SDK1: variants seen among roughly 807,000 people sequenced by gnomAD.
The protein encoded by SDK1 is sidekick cell adhesion molecule 1.
A neutral mutation model predicts 245.5 loss-of-function variants in SDK1; 157 were observed. The ratio of observed to expected loss-of-function variants is 0.64; its 90% confidence interval spans 0.56 to 0.73. SDK1 has a LOEUF of 0.73. Among genes scored for constraint, SDK1 ranks in the 30% least tolerant of loss-of-function variants. The pLI is 0.00. For missense variants in SDK1, 3,583 were observed against 3,002.3 expected, an observed-to-expected ratio of 1.19 and a Z score of -4.52; for synonymous variants, 1,647 against 1,278.5, an observed-to-expected ratio of 1.29 and a Z score of -6.15.
At chr7:4,140,114 G>A (rs554824523) in intron 28 of SDK1, among the ~76,000 whole-genome samples, 4 of 152,226 alleles carry the variant, frequency 2.6e-5, no homozygotes, top group African/African-American at 7.2e-5. Flanking sequence ...TCCCTTCCTC[G>A]TGCTCTGGCT....
intron 32 of SDK1, among the ~76,000 whole-genome samples, chr7:4,169,928 A>T (rs1781734122): frequency 1.3e-5 from 2 of 152,124 alleles, no homozygotes; most frequent in Admixed American, 1.3e-4. Flanking sequence ...TGACCATGGA[A>T]AGCAAACGGC....
At position 3,658,388 on chromosome 7, in the gene SDK1, C is replaced by T. The variant is rs145320567; in HGVS notation, c.713+16283C>T. Reference sequence around the variant, plus strand: ...TCAGTGAGCACTGTGCTAGGCTCTGCGGATAAAAAGATCAATACAATGAGT... The same window carrying T: ...TCAGTGAGCACTGTGCTAGGCTCTGTGGATAAAAAGATCAATACAATGAGT... On this transcript the variant is annotated intron_variant, in intron 4 of 44. Transcript: ENST00000404826. Among the ~76,000 whole-genome samples, 471 of 151,904 alleles carry T rather than the reference C, an allele frequency of 3.1e-3. 2 individuals carry two copies. The highest frequency in any genetic ancestry group is 5.2e-3 in the Non-Finnish European group (353 of 67,984).
At chr7:4,221,199 G>A in intron 39 of SDK1, 40 bp from the exon 40 acceptor site, 1 of 1,608,836 alleles carries the variant, frequency 6.2e-7, no homozygotes, top group African/African-American at 1.3e-5. Flanking sequence ...GAGCCCCGCA[G>A]GGCTGATGCC....
chr7:3,700,593 A>G (rs1446134140), intron 4 of SDK1, among the ~76,000 whole-genome samples: 1 of 152,222 alleles, frequency 6.6e-6, no homozygotes, highest in Non-Finnish European at 1.5e-5. Context: ...TAGAATTTCA[A>G]TAAAATGTTC....
At chr7:3,772,525 C>T (rs1310801642) in intron 4 of SDK1, among the ~76,000 whole-genome samples, 1 of 152,098 alleles carries the variant, frequency 6.6e-6, no homozygotes, top group Non-Finnish European at 1.5e-5. Context: ...ACCAAAGTTA[C>T]AATGATACTA....
chr7:3,419,986 CA>C (rs543012074), intron 1 of SDK1, among the ~76,000 whole-genome samples: 2 of 152,266 alleles, frequency 1.3e-5, no homozygotes, highest in South Asian at 4.1e-4. Context: ...GAAATGCACC[CA>C]ACCTCTGTGA....
chr7:3,763,676 C>T (rs752184743), intron 4 of SDK1, among the ~76,000 whole-genome samples: 5 of 152,152 alleles, frequency 3.3e-5, no homozygotes, highest in Admixed American at 6.5e-5. Flanking sequence ...ATTCCTTTCA[C>T]ATGAGATTCA....
chr7:3,341,508 A>C (rs962648620), intron 1 of SDK1, among the ~76,000 whole-genome samples: 4 of 152,186 alleles, frequency 2.6e-5, no homozygotes, highest in African/African-American at 9.7e-5. Flanking sequence ...ATCCAGACCA[A>C]AAAGGAGGAG....
chr7:3,831,638 T>C (rs1278608490), intron 5 of SDK1, among the ~76,000 whole-genome samples: 1 of 152,188 alleles, frequency 6.6e-6, no homozygotes, highest in Non-Finnish European at 1.5e-5. Flanking sequence ...TTTCCAATTT[T>C]AAGGACAGAA....
At chr7:4,214,343 C>T (rs552533344) in intron 38 of SDK1, among the ~76,000 whole-genome samples, 2 of 152,330 alleles carry the variant, frequency 1.3e-5, no homozygotes, top group South Asian at 4.1e-4. Context: ...GCCTGTCTCT[C>T]CCCTGGATGG....
chr7:3,634,106 C>T (rs745551917), intron 2 of SDK1, among the ~76,000 whole-genome samples: 1 of 152,112 alleles, frequency 6.6e-6, no homozygotes, highest in Non-Finnish European at 1.5e-5. Flanking sequence ...AGAGCTGGTA[C>T]CTGTAGAGGC....
At chr7:3,800,507 A>G (rs1348929260) in intron 4 of SDK1, among the ~76,000 whole-genome samples, 2 of 151,714 alleles carry the variant, frequency 1.3e-5, no homozygotes, top group Non-Finnish European at 2.9e-5. Context: ...TCAGCCTTCC[A>G]AGTAGCTTGG....
At chr7:3,714,950 C>G (rs750751464) in intron 4 of SDK1, among the ~76,000 whole-genome samples, 3 of 152,064 alleles carry the variant, frequency 2.0e-5, no homozygotes, top group Non-Finnish European at 4.4e-5. Context: ...GATGGTAATT[C>G]TCATATTTTA....
chr7:4,045,814 A>G (rs1301917943), intron 17 of SDK1, among the ~76,000 whole-genome samples: 1 of 152,076 alleles, frequency 6.6e-6, no homozygotes, highest in Non-Finnish European at 1.5e-5. Flanking sequence ...GGTAAATGGG[A>G]TGGTGAGGTT....
At chr7:3,499,274 G>C (rs1782120184) in intron 1 of SDK1, among the ~76,000 whole-genome samples, 1 of 152,134 alleles carries the variant, frequency 6.6e-6, no homozygotes, top group Non-Finnish European at 1.5e-5. Flanking sequence ...ACAGTAACTT[G>C]CTTACAATGC....
intron 1 of SDK1, among the ~76,000 whole-genome samples, chr7:3,594,566 A>G (rs1184328363): frequency 6.6e-6 from 1 of 152,118 alleles, no homozygotes; most frequent in Non-Finnish European, 1.5e-5. Flanking sequence ...GTCATGTATG[A>G]GGGTTCTGAT....
chr7:4,214,646 AC>A (rs138508191), intron 38 of SDK1, among the ~76,000 whole-genome samples: 1 of 151,686 alleles, frequency 6.6e-6, no homozygotes, highest in African/African-American at 2.4e-5. Flanking sequence ...AGCCATGCAG[AC>A]CCCCCACGTT....
intron 44 of SDK1, among the ~76,000 whole-genome samples, chr7:4,254,842 A>C (rs959225699): frequency 7.9e-5 from 12 of 152,136 alleles, no homozygotes; most frequent in Non-Finnish European, 1.2e-4. Flanking sequence ...GTTGCTCCTC[A>C]GTCTTGGGCA....
At chr7:4,153,193 A>G (rs1382075050) in intron 30 of SDK1, among the ~76,000 whole-genome samples, 1 of 151,606 alleles carries the variant, frequency 6.6e-6, no homozygotes, top group Admixed American at 6.6e-5. Context: ...GCAGGGATTC[A>G]ACGAATGTCA....
Sources: allele counts gnomAD v4.1 joint callset (sites outside exome capture counted in the v4.1 genomes callset), GRCh38; gene constraint gnomAD v4.1.1; transcripts MANE v1.5; gene names NCBI Gene and HGNC (gene_info 2026-07-23, HGNC 2026-07-21).